Variants in UTY observed in about 807,000 individuals in gnomAD.
UTY encodes histone demethylase UTY.
Under a neutral mutation model 32.5 loss-of-function variants are expected in UTY, and 12 were observed. That is an observed-to-expected ratio of 0.37 (90% confidence interval 0.24 to 0.60). The LOEUF is 0.60. UTY is among the 20% of genes least tolerant of loss of function. The probability of loss-of-function intolerance (pLI) is 0.69; values close to 1 mark genes in which losing one functional copy is unlikely to be tolerated. For synonymous variants in UTY, 131 were observed against 103.4 expected, an observed-to-expected ratio of 1.27 and a Z score of -1.62; for missense variants, 303 against 299.2, an observed-to-expected ratio of 1.01 and a Z score of -0.09.
At chrY:13,303,266 C>T in intron 24 of UTY, among the ~76,000 whole-genome samples, 1 of 33,632 alleles carries the variant, frequency 3.0e-5, no homozygotes, top group Non-Finnish European at 7.4e-5. Context: ...GCTCCTACCA[C>T]ATGTCAAATG....
intron 18 of UTY, among the ~76,000 whole-genome samples, chrY:13,327,762 A>T: frequency 8.9e-5 from 3 of 33,822 alleles, no homozygotes; most frequent in African/African-American, 3.4e-4. Context: ...TAAACTCCTT[A>T]GAATTTCTGT....
downstream of UTY, among the ~76,000 whole-genome samples, chrY:13,245,712 A>T (rs2053940338): frequency 8.8e-5 from 3 of 34,142 alleles, no homozygotes; most frequent in African/African-American, 3.4e-4. Flanking sequence ...CAAATGCAGC[A>T]TTGAAACAAA....
chrY:13,438,028 G>A (rs2074810787), intron 4 of UTY, among the ~76,000 whole-genome samples: 1 of 32,612 alleles, frequency 3.1e-5, no homozygotes, highest in Non-Finnish European at 7.5e-5. Context: ...GCTTGGTAGT[G>A]AGCGGAAAGA....
intron 27 of UTY, among the ~76,000 whole-genome samples, chrY:13,275,532 A>C (rs2056617621): frequency 2.9e-5 from 1 of 34,019 alleles, no homozygotes; most frequent in Non-Finnish European, 7.3e-5. Context: ...CAAGATGATA[A>C]GTACTACTCT....
chrY:13,349,626 CTT>C (rs748315621), intron 17 of UTY, among the ~76,000 whole-genome samples: 2 of 32,809 alleles, frequency 6.1e-5, no homozygotes, highest in South Asian at 6.7e-4. Flanking sequence ...TGCTCTCTCT[CTT>C]GTTTTTTCTC....
chrY:13,359,247 A>G, intron 12 of UTY, 25 bp from the exon 13 acceptor site: 1 of 382,817 alleles, frequency 2.6e-6, no homozygotes, highest in Non-Finnish European at 3.7e-6. Flanking sequence ...GTAAAAAGCA[A>G]ATTTAACACA....
intron 8 of UTY, among the ~76,000 whole-genome samples, chrY:13,390,156 G>T (rs2067353601): frequency 3.3e-5 from 1 of 30,725 alleles, no homozygotes; most frequent in Non-Finnish European, 8.0e-5. Context: ...TGTTAATTAG[G>T]TTTTTTTTTC....
In UTY at chrY:13,355,941, C is replaced by A; in HGVS notation, c.1647G>T (p.Gln549His). The change falls in exon 16 of 30, where the codon CAG becomes CAT. Residue 549 changes from glutamine (Q) to histidine (H), a missense_variant. Gln to His is a conservative substitution (Grantham distance 24). Coordinates refer to ENST00000545955, the MANE Select transcript of UTY (RefSeq NM_001258249.2). ...QKHQLEQLES[Q>H]FVLMQQMRHK... Reference sequence around the variant, plus strand: ...TACATACTTGCTGCATTAAGACAAACTGACTTTCTAACTGTTCCAGCTGAT... The same window carrying A: ...TACATACTTGCTGCATTAAGACAAAATGACTTTCTAACTGTTCCAGCTGAT... 1 of 390,140 alleles carries A rather than the reference C, an allele frequency of 2.6e-6. No homozygotes were observed. Among genetic ancestry groups the A allele is most frequent in the Non-Finnish European group, 3.6e-6 (1 of 279,179 alleles).
intron 17 of UTY, among the ~76,000 whole-genome samples, chrY:13,349,314 A>G (rs901965831): frequency 7.7e-4 from 25 of 32,309 alleles, no homozygotes; most frequent in Non-Finnish European, 3.0e-4. Context: ...AAGCCTCTCT[A>G]GCCTTCCTGC....
At chrY:13,441,187 TTTATA>T (rs2075141718) in intron 4 of UTY, among the ~76,000 whole-genome samples, 1 of 32,354 alleles carries the variant, frequency 3.1e-5, no homozygotes, top group Non-Finnish European at 7.5e-5. Context: ...CATTATATAT[TTTATA>T]TTATTTTATT....
At chrY:13,255,066 C>T (rs1603245441) in intron 28 of UTY, among the ~76,000 whole-genome samples, 1 of 33,299 alleles carries the variant, frequency 3.0e-5, no homozygotes, top group Admixed American at 2.7e-4. Flanking sequence ...CAGTTCAAAC[C>T]GCTCAATTTA....
chrY:13,374,269 G>C, intron 8 of UTY, among the ~76,000 whole-genome samples: 1 of 32,480 alleles, frequency 3.1e-5, no homozygotes, highest in South Asian at 6.9e-4. Flanking sequence ...TTAACCTCAT[G>C]ATCCGCCCGC....
At chrY:13,300,472 G>A in intron 25 of UTY, among the ~76,000 whole-genome samples, 3 of 32,690 alleles carry the variant, frequency 9.2e-5, no homozygotes, top group African/African-American at 3.6e-4. Context: ...TATAATCCCA[G>A]CTACTCAGGA....
intron 4 of UTY, among the ~76,000 whole-genome samples, chrY:13,422,518 A>G (rs755348196): frequency 3.0e-5 from 1 of 33,752 alleles, no homozygotes; most frequent in South Asian, 6.5e-4. Context: ...ACTAAAAGAC[A>G]GGTACTAAAA....
intron 27 of UTY, among the ~76,000 whole-genome samples, chrY:13,284,226 C>A (rs2148622842): frequency 3.0e-5 from 1 of 33,436 alleles, no homozygotes; most frequent in Admixed American, 2.7e-4. Flanking sequence ...AGTTTATGTG[C>A]AAGGTGTATA....
intron 27 of UTY, among the ~76,000 whole-genome samples, chrY:13,294,291 C>T (rs2057909483): frequency 3.0e-5 from 1 of 33,310 alleles, no homozygotes; most frequent in African/African-American, 1.2e-4. Context: ...GAACAGAGAC[C>T]TCAGAAATAC....
chrY:13,469,335 A>G (rs2078246229), intron 3 of UTY, among the ~76,000 whole-genome samples: 1 of 29,743 alleles, frequency 3.4e-5, no homozygotes, highest in Non-Finnish European at 7.9e-5. Flanking sequence ...CTCCAGTCTC[A>G]CTAGTTGGGA....
intron 4 of UTY, among the ~76,000 whole-genome samples, chrY:13,421,922 A>G: frequency 6.0e-5 from 2 of 33,371 alleles, no homozygotes; most frequent in Non-Finnish European, 1.5e-4. Context: ...AAAAGTTTTA[A>G]AAAGAGAGAA....
At chrY:13,363,382 C>T (rs1054629654) in intron 10 of UTY, among the ~76,000 whole-genome samples, 2 of 32,640 alleles carry the variant, frequency 6.1e-5, no homozygotes, top group Non-Finnish European at 1.5e-4. Flanking sequence ...GACAGGGTTT[C>T]GCTATTTTGC....
Sources: allele counts gnomAD v4.1 joint callset (sites outside exome capture counted in the v4.1 genomes callset), GRCh38; gene constraint gnomAD v4.1.1; transcripts MANE v1.5; gene names NCBI Gene and HGNC (gene_info 2026-07-23, HGNC 2026-07-21).